PLCL1: variants seen among roughly 807,000 people sequenced by gnomAD.
PLCL1 encodes inactive phospholipase C-like protein 1.
A neutral mutation model predicts 84.4 loss-of-function variants in PLCL1; 41 were observed. That is an observed-to-expected ratio of 0.49 (90% CI 0.38 to 0.63). The LOEUF is 0.63. PLCL1 is among the 30% of genes least tolerant of loss of function. The pLI, the probability that PLCL1 is intolerant of heterozygous loss-of-function variation, is 0.00. For missense variants in PLCL1, 1,206 were observed against 1,367.8 expected, an observed-to-expected ratio of 0.88 and a Z score of 1.87; for synonymous variants, 490 against 488.3, an observed-to-expected ratio of 1.00 and a Z score of -0.05.
chr2:198,072,810 T>C (rs1176333133), intron 1 of PLCL1, among the ~76,000 whole-genome samples: 1 of 152,118 alleles, frequency 6.6e-6, no homozygotes, highest in African/African-American at 2.4e-5. Context: ...CATTCCTACA[T>C]TCCTGGAATA....
intron 5 of PLCL1, among the ~76,000 whole-genome samples, chr2:198,132,993 A>C (rs1190965925): frequency 6.6e-6 from 1 of 151,238 alleles, no homozygotes; most frequent in Admixed American, 6.6e-5. Context: ...TCCATCTTGA[A>C]TTGATTTTTG....
intron 1 of PLCL1, among the ~76,000 whole-genome samples, chr2:198,076,717 C>G (rs1047366304): frequency 1.3e-5 from 2 of 152,160 alleles, no homozygotes; most frequent in African/African-American, 4.8e-5. Flanking sequence ...GTTTGTGTCT[C>G]TGCATTAAGT....
chr2:197,897,191 C>CTCCTT (rs1688165568), intron 1 of PLCL1, among the ~76,000 whole-genome samples: 27 of 32,234 alleles, frequency 8.4e-4, no homozygotes, highest in African/African-American at 2.5e-3. Context: ...TTCTTCTTCT[C>CTCCTT]CTTCTCCTTC....
At chr2:198,034,983 T>C (rs1691522950) in intron 1 of PLCL1, among the ~76,000 whole-genome samples, 1 of 152,226 alleles carries the variant, frequency 6.6e-6, no homozygotes, top group South Asian at 2.1e-4. Flanking sequence ...TGTGTCCTTT[T>C]TCATGTCTCG....
chr2:197,914,202 T>C (rs984459300), intron 1 of PLCL1, among the ~76,000 whole-genome samples: 2 of 152,212 alleles, frequency 1.3e-5, no homozygotes, highest in African/African-American at 2.4e-5. Context: ...ATTCGTAATG[T>C]TGGAGCATTT....
intron 5 of PLCL1, among the ~76,000 whole-genome samples, chr2:198,139,333 C>T (rs1003679300): frequency 6.6e-6 from 1 of 152,148 alleles, no homozygotes; most frequent in African/African-American, 2.4e-5. Context: ...GCAAATACAA[C>T]TAGTCTATTG....
chr2:197,983,223 T>C (rs1399220662), intron 1 of PLCL1, among the ~76,000 whole-genome samples: 1 of 79,900 alleles, frequency 1.3e-5, no homozygotes, highest in African/African-American at 4.6e-5. Context: ...TTTTTTTTTT[T>C]TTTTTTTTTT....
In PLCL1 at chr2:197,833,904, G is replaced by A. The variant is rs141791060; in HGVS notation, c.240+28565G>A. Among the ~76,000 whole-genome samples the A allele has an allele frequency of 3.5e-3, 528 of 152,286 alleles. 8 individuals are homozygous for A. Among genetic ancestry groups the A allele is most frequent in the East Asian group, 0.031 (162 of 5,184 alleles). ...CAAAGCTGGAGGCATCATGCTACCT[G>A]ACTTCAAACTGTACTACAAGGCCAC... On this transcript the variant is annotated intron_variant, in intron 1 of 5. Coordinates refer to ENST00000428675, the MANE Select transcript of PLCL1 (RefSeq NM_006226.4).
intron 1 of PLCL1, among the ~76,000 whole-genome samples, chr2:197,885,792 G>T (rs977122162): frequency 5.9e-5 from 9 of 152,126 alleles, no homozygotes; most frequent in African/African-American, 1.9e-4. Flanking sequence ...CCTCTAAATA[G>T]ACAAAAATTT....
intron 1 of PLCL1, among the ~76,000 whole-genome samples, chr2:198,032,524 G>GCT (rs1311110634): frequency 1.3e-5 from 2 of 152,102 alleles, no homozygotes; most frequent in Non-Finnish European, 2.9e-5. Context: ...TAAACAATTT[G>GCT]CTAAGCATCA....
intron 1 of PLCL1, among the ~76,000 whole-genome samples, chr2:198,038,433 T>C (rs1691591753): frequency 6.6e-6 from 1 of 152,160 alleles, no homozygotes; most frequent in Non-Finnish European, 1.5e-5. Flanking sequence ...GGTCCATATA[T>C]ATATACATAG....
intron 1 of PLCL1, among the ~76,000 whole-genome samples, chr2:197,985,659 T>C (rs1323188365): frequency 2.0e-5 from 3 of 152,208 alleles, no homozygotes; most frequent in Non-Finnish European, 4.4e-5. Context: ...TGCTTATTCA[T>C]TTAAGTGTTG....
At position 197,996,186 on chromosome 2, in the gene PLCL1, C is replaced by T. The variant is rs1690461834; in HGVS notation, c.241-87572C>T. ...AATTCTGTTGAGTTTGAAGAGAGATCCAGGCCAGAAATGCTGGTTAGGAAG... is the reference window on the plus strand; with the variant it reads ...AATTCTGTTGAGTTTGAAGAGAGATTCAGGCCAGAAATGCTGGTTAGGAAG... On this transcript the variant is annotated intron_variant, in intron 1 of 5. Transcript: ENST00000428675. Among the ~76,000 whole-genome samples, 4 of 151,930 alleles carry T rather than the reference C, an allele frequency of 2.6e-5. No individual in the cohort carries two copies. The South Asian group carries it at 8.3e-4, about 32-fold the overall frequency.
intron 1 of PLCL1, among the ~76,000 whole-genome samples, chr2:197,854,029 C>A (rs984147261): frequency 6.6e-6 from 1 of 152,072 alleles, no homozygotes; most frequent in Admixed American, 6.6e-5. Context: ...CTTTGGGGAC[C>A]CATGCTGGGT....
intron 1 of PLCL1, among the ~76,000 whole-genome samples, chr2:197,891,221 G>A (rs2105726074): frequency 6.6e-6 from 1 of 152,228 alleles, no homozygotes; most frequent in South Asian, 2.1e-4. Flanking sequence ...GTGTGAGGTG[G>A]ACAACAACAG....
chr2:198,085,237 G>T lies in PLCL1; in HGVS notation c.1720G>T (p.Gly574Cys). The change falls in exon 2 of 6, where the codon GGT becomes TGT. Residue 574 changes from glycine to cysteine, a missense_variant. Gly to Cys is a radical substitution (Grantham distance 159). Transcript: ENST00000428675. This position sits in a 1 kb window ranked among gnomAD's most constrained non-coding sequence, Gnocchi z 5.3. The part of the protein sequence containing the change: ...MSRRMSVDYN[G>C]EQKQIRLCRE... Reference sequence around the variant, plus strand: ...TCGAAGGATGTCGGTAGATTACAATGGTGAGCAGAAGCAAATCCGACTCTG... The same window carrying T: ...TCGAAGGATGTCGGTAGATTACAATTGTGAGCAGAAGCAAATCCGACTCTG... The T allele has an allele frequency of 1.2e-6, 2 of 1,614,044 alleles. No homozygotes were observed. Among genetic ancestry groups the T allele is most frequent in the South Asian group, 2.2e-5 (2 of 91,062 alleles).
Position 197,904,299 on chromosome 2 carries a change from G to A in PLCL1, c.240+98960G>A, listed in dbSNP as rs184581630. ...CCCTTCCCTTTCTCTCCACTTCAGA[G>A]GTATTCCCTTAACTGAATTTTGGGT... On this transcript the variant is annotated intron_variant, in intron 1 of 5. Coordinates refer to ENST00000428675, the MANE Select transcript of PLCL1 (RefSeq NM_006226.4). 2.7e-3 allele frequency among the ~76,000 whole-genome samples: 404 copies of A among 152,182 alleles called. 7 individuals carry two copies. Among genetic ancestry groups the A allele is most frequent in the Non-Finnish European group, 6.0e-4 (41 of 68,022 alleles).
chr2:198,136,306 A>T (rs532258669), intron 5 of PLCL1, among the ~76,000 whole-genome samples: 24 of 152,284 alleles, frequency 1.6e-4, no homozygotes, highest in African/African-American at 5.5e-4. Flanking sequence ...CAAAAAATCT[A>T]TGAGGTGAGT....
intron 1 of PLCL1, among the ~76,000 whole-genome samples, chr2:198,008,411 C>G (rs1457444156): frequency 1.3e-5 from 2 of 152,040 alleles, no homozygotes; most frequent in Non-Finnish European, 2.9e-5. Context: ...CTTTCTGTTT[C>G]TATGAATTTG....
Sources: allele counts gnomAD v4.1 joint callset (sites outside exome capture counted in the v4.1 genomes callset), GRCh38; gene constraint gnomAD v4.1.1; non-coding constraint Gnocchi (gnomAD v3.1); transcripts MANE v1.5; gene names NCBI Gene and HGNC (gene_info 2026-07-23, HGNC 2026-07-21).